Variants in BMP6 observed in about 807,000 individuals in gnomAD.
BMP6 encodes the protein bone morphogenetic protein 6.
In BMP6, 17 loss-of-function variants were observed where a neutral mutation model predicts 54.1. That is an observed-to-expected ratio of 0.31 (90% CI 0.22 to 0.47). The LOEUF is 0.47. Among genes scored for constraint, BMP6 ranks in the 20% least tolerant of loss-of-function variants. The pLI is 1.00. For missense variants in BMP6, 720 were observed against 690.4 expected, an observed-to-expected ratio of 1.04 and a Z score of -0.48; for synonymous variants, 328 against 291.2, an observed-to-expected ratio of 1.13 and a Z score of -1.28.
intron 1 of BMP6, among the ~76,000 whole-genome samples, chr6:7,731,772 T>G (rs1208940104): frequency 6.6e-6 from 1 of 152,262 alleles, no homozygotes; most frequent in Non-Finnish European, 1.5e-5. Context: ...CGTGCTTTAT[T>G]AATACACCTT....
At chr6:7,728,512 C>T (rs1159801403) in intron 1 of BMP6, among the ~76,000 whole-genome samples, 3 of 152,184 alleles carry the variant, frequency 2.0e-5, no homozygotes, top group Admixed American at 6.5e-5. Context: ...CCTTTCTCCC[C>T]CCTCCCACCC....
chr6:7,747,092 C>T (rs559651860), intron 1 of BMP6, among the ~76,000 whole-genome samples: 8 of 152,272 alleles, frequency 5.3e-5, no homozygotes, highest in Non-Finnish European at 8.8e-5. Context: ...GAGGACAATC[C>T]GCAAAACTTC....
intron 1 of BMP6, among the ~76,000 whole-genome samples, chr6:7,803,746 T>G (rs890666403): frequency 6.6e-6 from 1 of 152,208 alleles, no homozygotes; most frequent in Non-Finnish European, 1.5e-5. Context: ...TGCACCATTT[T>G]TTTTTCACAT....
At chr6:7,802,221 T>G (rs1455725048) in intron 1 of BMP6, among the ~76,000 whole-genome samples, 1 of 152,214 alleles carries the variant, frequency 6.6e-6, no homozygotes, top group African/African-American at 2.4e-5. Flanking sequence ...ACAGATATTT[T>G]GGATTTAAGA....
At chr6:7,772,767 T>A (rs895380143) in intron 1 of BMP6, among the ~76,000 whole-genome samples, 13 of 152,278 alleles carry the variant, frequency 8.5e-5, no homozygotes, top group Admixed American at 6.5e-4. Context: ...ACATGTCCTG[T>A]CTTTGTCTCT....
chr6:7,879,076 TACA>T lies in BMP6; in HGVS notation c.1211_1213del (p.Asn404del). On this transcript the variant is annotated inframe_deletion, in exon 5 of 7. Transcript: ENST00000283147. Reference sequence around the variant, plus strand: ...CATCTTTTGATCTCCTCCAACAGATTACAACAGCAGTGAATTGAAAACAGCCTG... The same window carrying T: ...CATCTTTTGATCTCCTCCAACAGATTACAGCAGTGAATTGAAAACAGCCTG... 1 of 1,613,946 alleles carries T rather than the reference TACA, an allele frequency of 6.2e-7. No homozygotes were observed. The highest frequency in any genetic ancestry group is 8.5e-7 in the Non-Finnish European group (1 of 1,179,782).
intron 1 of BMP6, among the ~76,000 whole-genome samples, chr6:7,795,454 C>T (rs1758177750): frequency 6.6e-6 from 1 of 152,072 alleles, no homozygotes; most frequent in African/African-American, 2.4e-5. Context: ...CCTGTTAGTT[C>T]AGGGATCCCC....
At chr6:7,831,679 A>G (rs747054391) in intron 1 of BMP6, among the ~76,000 whole-genome samples, 40 of 152,242 alleles carry the variant, frequency 2.6e-4, no homozygotes, top group Non-Finnish European at 5.3e-4. Flanking sequence ...TTTAGAATGC[A>G]AAGCAGTATG....
chr6:7,827,534 C>G (rs1035280323), intron 1 of BMP6, among the ~76,000 whole-genome samples: 5 of 152,154 alleles, frequency 3.3e-5, no homozygotes, highest in Admixed American at 1.3e-4. Flanking sequence ...ATAAGAATTT[C>G]CTTCTCCAGC....
chr6:7,804,959 A>C (rs1270464376), intron 1 of BMP6, among the ~76,000 whole-genome samples: 1 of 152,070 alleles, frequency 6.6e-6, no homozygotes, highest in Non-Finnish European at 1.5e-5. Context: ...TTTCCAACCA[A>C]CCTGATGCTT....
chr6:7,743,521 T>C (rs1009658507), intron 1 of BMP6, among the ~76,000 whole-genome samples: 1 of 152,212 alleles, frequency 6.6e-6, no homozygotes, highest in Non-Finnish European at 1.5e-5. Context: ...CTTGTTCACC[T>C]AGAGGACTTT....
At chr6:7,817,192 A>G (rs554422021) in intron 1 of BMP6, among the ~76,000 whole-genome samples, 2 of 152,254 alleles carry the variant, frequency 1.3e-5, no homozygotes, top group South Asian at 4.2e-4. Flanking sequence ...TTTTAATGTG[A>G]GAAAAAATAG....
chr6:7,817,533 T>C (rs925191430), intron 1 of BMP6, among the ~76,000 whole-genome samples: 2 of 135,558 alleles, frequency 1.5e-5, no homozygotes, highest in Non-Finnish European at 3.1e-5. Flanking sequence ...ATGAGAACAC[T>C]TGGACACAGG....
chr6:7,798,037 C>T (rs186371589), intron 1 of BMP6, among the ~76,000 whole-genome samples: 138 of 152,000 alleles, frequency 9.1e-4, no homozygotes, highest in African/African-American at 3.3e-3. Flanking sequence ...TCATTCTTTC[C>T]CTTAAGCTAA....
chr6:7,762,171 C>T (rs1435461692), intron 1 of BMP6, among the ~76,000 whole-genome samples: 1 of 152,214 alleles, frequency 6.6e-6, no homozygotes, highest in Non-Finnish European at 1.5e-5. Flanking sequence ...ATCCACCTAC[C>T]TCAGCCTCCC....
chr6:7,795,579 T>C (rs1758179721), intron 1 of BMP6, among the ~76,000 whole-genome samples: 1 of 152,196 alleles, frequency 6.6e-6, no homozygotes, highest in Admixed American at 6.5e-5. Flanking sequence ...TGAGGGAGTT[T>C]AATCAGGAGC....
Position 7,880,396 on chromosome 6 carries a change from T to C in BMP6, c.*53T>C. 6.2e-7 allele frequency: 1 copy of C among 1,605,572 alleles called. No individual in the cohort carries two copies. The highest frequency in any genetic ancestry group is 8.5e-7 in the Non-Finnish European group (1 of 1,173,746). ...TTCTGCCTTGGATTCCTAGATTACA[T>C]CTGCCTTAAAAAAACACGGAAGCAC... On this transcript the variant is annotated 3_prime_UTR_variant, in exon 7 of 7. Transcript: ENST00000283147.
At chr6:7,860,051 A>G (rs1016413520) in intron 2 of BMP6, among the ~76,000 whole-genome samples, 2 of 152,216 alleles carry the variant, frequency 1.3e-5, no homozygotes, top group Non-Finnish European at 2.9e-5. Flanking sequence ...TCAATGAGAC[A>G]GTATGTTATT....
chr6:7,753,052 C>T (rs1027600627), intron 1 of BMP6, among the ~76,000 whole-genome samples: 1 of 151,552 alleles, frequency 6.6e-6, no homozygotes, highest in Non-Finnish European at 1.5e-5. Context: ...ATGGTAAGAG[C>T]AATGCTGATG....
Sources: gnomAD v4.1 joint callset for allele counts (sites outside exome capture counted in the v4.1 genomes callset) on GRCh38, gnomAD v4.1.1 for gene constraint, MANE v1.5 for transcripts, NCBI Gene and HGNC (gene_info 2026-07-23, HGNC 2026-07-21) for gene names.